Variants in PCDH9 observed in about 807,000 individuals in gnomAD.
PCDH9 encodes the protein protocadherin-9.
PCDH9 carries 24 observed loss-of-function variants against 70.6 expected under a neutral mutation model. That is an observed-to-expected ratio of 0.34 (90% CI 0.25 to 0.48). The LOEUF (loss-of-function observed/expected upper bound fraction) is 0.48. Ranked by LOEUF, PCDH9 falls within the 20% of genes least tolerant of loss-of-function variation. The pLI, the probability that PCDH9 is intolerant of heterozygous loss-of-function variation, is 0.99. For missense variants in PCDH9, 1,281 were observed against 1,503.6 expected (o/e 0.85, Z 2.45); for synonymous variants, 562 against 558.5 (o/e 1.01, Z -0.09).
intron 4 of PCDH9, among the ~76,000 whole-genome samples, chr13:66,393,268 T>C (rs1957049005): frequency 7.0e-6 from 1 of 142,768 alleles, no homozygotes; most frequent in Non-Finnish European, 1.6e-5. Flanking sequence ...AAGTAGCCAC[T>C]TATCTACACA....
intron 4 of PCDH9, among the ~76,000 whole-genome samples, chr13:66,614,565 C>T (rs757671170): frequency 2.6e-5 from 4 of 152,136 alleles, no homozygotes; most frequent in Non-Finnish European, 4.4e-5. Context: ...CATTTAACAG[C>T]CTTCTGAAAA....
intron 4 of PCDH9, among the ~76,000 whole-genome samples, chr13:66,335,038 C>G (rs1018905101): frequency 1.3e-5 from 2 of 152,048 alleles, no homozygotes; most frequent in South Asian, 4.1e-4. Context: ...CAATGTGTGG[C>G]ATAGTTAGGA....
At chr13:67,138,246 G>T (rs2087284101) in intron 2 of PCDH9, among the ~76,000 whole-genome samples, 1 of 152,150 alleles carries the variant, frequency 6.6e-6, no homozygotes, top group Non-Finnish European at 1.5e-5. Context: ...TCATTGAAGT[G>T]TTGTGAGAAC....
intron 3 of PCDH9, among the ~76,000 whole-genome samples, chr13:66,653,732 C>G (rs1566483870): frequency 6.6e-6 from 1 of 151,922 alleles, no homozygotes; most frequent in Non-Finnish European, 1.5e-5. Context: ...GTTTGGGAGG[C>G]CGAGGTTGGC....
At chr13:66,649,792 A>T (rs1389447126) in intron 3 of PCDH9, among the ~76,000 whole-genome samples, 1 of 152,090 alleles carries the variant, frequency 6.6e-6, no homozygotes, top group African/African-American at 2.4e-5. Flanking sequence ...AGATATAAAT[A>T]GAAAAAACAA....
intron 2 of PCDH9, among the ~76,000 whole-genome samples, chr13:67,043,009 A>C (rs563701799): frequency 2.0e-5 from 3 of 152,332 alleles, no homozygotes; most frequent in Non-Finnish European, 4.4e-5. Context: ...ACAAGTTGTG[A>C]GAAAATGTCA....
At chr13:66,757,222 C>A (rs1368879358) in intron 3 of PCDH9, among the ~76,000 whole-genome samples, 1 of 152,148 alleles carries the variant, frequency 6.6e-6, no homozygotes, top group Non-Finnish European at 1.5e-5. Context: ...TTTGAAAATT[C>A]TTGTTGAAGA....
At chr13:66,396,222 A>T (rs535710832) in intron 4 of PCDH9, among the ~76,000 whole-genome samples, 1 of 152,274 alleles carries the variant, frequency 6.6e-6, no homozygotes, top group African/African-American at 2.4e-5. Flanking sequence ...AAATATCAGA[A>T]TATTAGGAGG....
intron 4 of PCDH9, among the ~76,000 whole-genome samples, chr13:66,327,675 T>C (rs1177701753): frequency 6.6e-6 from 1 of 152,216 alleles, no homozygotes; most frequent in Non-Finnish European, 1.5e-5. Flanking sequence ...GGAGGTCTTA[T>C]GTATTTTCTC....
chr13:66,433,166 T>C (rs192363208), intron 4 of PCDH9, among the ~76,000 whole-genome samples: 1 of 152,098 alleles, frequency 6.6e-6, no homozygotes, highest in Non-Finnish European at 1.5e-5. Flanking sequence ...TTATTAAATG[T>C]CAATTAGAAT....
chr13:66,815,341 A>T (rs957462041), intron 3 of PCDH9, among the ~76,000 whole-genome samples: 2 of 152,198 alleles, frequency 1.3e-5, no homozygotes, highest in Non-Finnish European at 2.9e-5. Context: ...AAATTAGTTC[A>T]ACCATTGTGG....
intron 3 of PCDH9, among the ~76,000 whole-genome samples, chr13:66,743,826 T>A (rs1200822665): frequency 1.3e-5 from 2 of 152,138 alleles, no homozygotes; most frequent in Admixed American, 1.3e-4. Context: ...AATTTATAAA[T>A]TTTTAAAAAC....
intron 3 of PCDH9, among the ~76,000 whole-genome samples, chr13:66,781,154 G>C (rs1392092720): frequency 6.6e-6 from 1 of 151,814 alleles, no homozygotes; most frequent in Non-Finnish European, 1.5e-5. Flanking sequence ...CTTCTAATTG[G>C]GCCAACTTCT....
At chr13:66,884,427 C>T (rs2081973357) in intron 3 of PCDH9, among the ~76,000 whole-genome samples, 1 of 152,120 alleles carries the variant, frequency 6.6e-6, no homozygotes, top group Admixed American at 6.5e-5. Context: ...CCTGCACTCA[C>T]CAAGCCATCC....
chr13:66,752,313 T>G (rs1461870836), intron 3 of PCDH9, among the ~76,000 whole-genome samples: 2 of 152,216 alleles, frequency 1.3e-5, no homozygotes, highest in Non-Finnish European at 2.9e-5. Context: ...TTGCTTTATT[T>G]TATTTATGTA....
chr13:66,899,336 A>C (rs945080756), intron 3 of PCDH9, among the ~76,000 whole-genome samples: 4 of 152,036 alleles, frequency 2.6e-5, no homozygotes, highest in African/African-American at 9.7e-5. Flanking sequence ...CCACATTTCC[A>C]AAGTCTAGAG....
chr13:66,995,137 A>C (rs778831475), intron 2 of PCDH9, among the ~76,000 whole-genome samples: 16 of 152,212 alleles, frequency 1.1e-4, no homozygotes, highest in Non-Finnish European at 2.1e-4. Flanking sequence ...GGCATAAGTC[A>C]CATTTTTAAA....
At chr13:66,450,352 C>A (rs560876747) in intron 4 of PCDH9, among the ~76,000 whole-genome samples, 2 of 152,224 alleles carry the variant, frequency 1.3e-5, no homozygotes, top group East Asian at 3.9e-4. Flanking sequence ...TTCATATGGA[C>A]ATGAGAAAGC....
intron 3 of PCDH9, among the ~76,000 whole-genome samples, chr13:66,683,821 C>T (rs77354520): frequency 0.023 from 3,421 of 150,880 alleles, 63 homozygotes; most frequent in South Asian, 0.053. Flanking sequence ...ACCTTATTCA[C>T]ACATACCCAA....
Sources: gnomAD v4.1 joint callset for allele counts (sites outside exome capture counted in the v4.1 genomes callset) on GRCh38, gnomAD v4.1.1 for gene constraint, MANE v1.5 for transcripts, NCBI Gene and HGNC (gene_info 2026-07-23, HGNC 2026-07-21) for gene names.